UNC5D: variants seen among roughly 807,000 people sequenced by gnomAD.
The protein encoded by UNC5D is unc-5 netrin receptor D.
In UNC5D, 39 loss-of-function variants were observed where a neutral mutation model predicts 105.4. The observed-to-expected ratio is 0.37, with a 90% CI of 0.29 to 0.48. UNC5D has a LOEUF of 0.48. Among genes scored for constraint, UNC5D ranks in the 20% least tolerant of loss-of-function variants. The probability of loss-of-function intolerance (pLI) is 0.98; values close to 1 mark genes in which losing one functional copy is unlikely to be tolerated. For synonymous variants in UNC5D, 452 were observed against 450.4 expected, an observed-to-expected ratio of 1.00 and a Z score of -0.04; for missense variants, 991 against 1,202.4, an observed-to-expected ratio of 0.82 and a Z score of 2.60.
At chr8:35,472,514 T>C (rs1486736054) in intron 1 of UNC5D, among the ~76,000 whole-genome samples, 3 of 152,126 alleles carry the variant, frequency 2.0e-5, no homozygotes, top group African/African-American at 7.2e-5. Flanking sequence ...AGGTGAACTA[T>C]AACCTTGTGT....
chr8:35,474,651 C>T (rs549910252), intron 1 of UNC5D, among the ~76,000 whole-genome samples: 1 of 152,186 alleles, frequency 6.6e-6, no homozygotes, highest in Non-Finnish European at 1.5e-5. Context: ...TGGCGATTGG[C>T]ACCATCACAG....
chr8:35,543,362 A>G (rs1231554783), intron 1 of UNC5D, among the ~76,000 whole-genome samples: 3 of 152,232 alleles, frequency 2.0e-5, no homozygotes, highest in Admixed American at 6.5e-5. Flanking sequence ...CACTTAAACA[A>G]TAATCCAATG....
chr8:35,494,169 C>A (rs182200207), intron 1 of UNC5D, among the ~76,000 whole-genome samples: 1 of 152,006 alleles, frequency 6.6e-6, no homozygotes, highest in Non-Finnish European at 1.5e-5. Context: ...ATACAAACTA[C>A]CTTTTCTGTG....
rs1267501190 is a variant in UNC5D, at chr8:35,525,337, T to TA, written c.104-23953dup. 11 of 1,612,212 alleles carry TA rather than the reference T, an allele frequency of 6.8e-6. No individual in the cohort carries two copies. In the African/African-American group the frequency reaches 1.3e-4, roughly 20 times the overall value. On this transcript the variant is annotated intron_variant, in intron 1 of 16. Transcript: ENST00000404895. ...CAGTTTTCCACTTGATATGGGGGTG[T>TA]AATAACAACTTCTTCCATGACTACG...
chr8:35,627,161 G>A (rs986396402), intron 4 of UNC5D, among the ~76,000 whole-genome samples: 2 of 152,168 alleles, frequency 1.3e-5, no homozygotes, highest in Non-Finnish European at 2.9e-5. Context: ...GGGACAAGTA[G>A]GAAAAAGCTT....
At chr8:35,427,397 C>T (rs1003502037) in intron 1 of UNC5D, among the ~76,000 whole-genome samples, 1 of 152,188 alleles carries the variant, frequency 6.6e-6, no homozygotes, top group Admixed American at 6.5e-5. Flanking sequence ...GAAAACAGAA[C>T]AATGGGTCCC....
chr8:35,659,638 A>G lies in UNC5D; in HGVS notation c.571-23909A>G, dbSNP rs1314820111. ...TGCGCATGCACACCGACATGCATGC[A>G]TCTATGTGGAGGTATGAACTCATGC... On this transcript the variant is annotated intron_variant, in intron 4 of 16. Transcript: ENST00000404895. 3.9e-5 allele frequency among the ~76,000 whole-genome samples: 6 copies of G among 152,212 alleles called. No individual in the cohort carries two copies. In the East Asian group the frequency reaches 1.2e-3, roughly 29 times the overall value.
chr8:35,318,152 T>C (rs146430518), intron 1 of UNC5D, among the ~76,000 whole-genome samples: 1 of 152,252 alleles, frequency 6.6e-6, no homozygotes, highest in East Asian at 1.9e-4. Context: ...ATCACTTTCC[T>C]GTCATTTTCA....
chr8:35,445,628 T>C (rs1807727956), intron 1 of UNC5D, among the ~76,000 whole-genome samples: 1 of 152,054 alleles, frequency 6.6e-6, no homozygotes, highest in South Asian at 2.1e-4. Flanking sequence ...CTTGATAATC[T>C]GGCCCAGAAG....
Position 35,774,470 on chromosome 8 carries a change from A to C in UNC5D, c.2650A>C (p.Ile884Leu). 1 of 1,614,034 alleles carries C rather than the reference A, an allele frequency of 6.2e-7. No homozygotes were observed. Among genetic ancestry groups the C allele is most frequent in the Non-Finnish European group, 8.5e-7 (1 of 1,179,968 alleles). Residue 884 changes from isoleucine to leucine, a missense_variant, in exon 16 of 17, where the codon ATC becomes CTC. Coordinates refer to ENST00000404895, the MANE Select transcript of UNC5D (RefSeq NM_080872.4). ...DWQMLAQKNS[I>L]NRNLSYFATQ... The stretch of plus-strand genomic sequence containing the variant: ...GCAGATGTTAGCACAGAAAAACAGC[A>C]TCAACAGGTAATTGGGGACAGCTTC...
chr8:35,709,415 C>T (rs1307384887), intron 8 of UNC5D, among the ~76,000 whole-genome samples: 2 of 152,128 alleles, frequency 1.3e-5, no homozygotes, highest in African/African-American at 4.8e-5. Flanking sequence ...TGTAGCTGGA[C>T]GTGGTGGCTG....
chr8:35,727,441 A>G (rs1425399194), intron 10 of UNC5D: 1 of 152,110 alleles, frequency 6.6e-6, no homozygotes, highest in African/African-American at 2.4e-5. Flanking sequence ...GAGCTAACCA[A>G]CCTCTCAAAT....
At position 35,512,482 on chromosome 8, in the gene UNC5D, A is replaced by ATC. The variant is rs1401553913; in HGVS notation, c.104-36809_104-36808insCT. On this transcript the variant is annotated intron_variant, in intron 1 of 16. Coordinates refer to ENST00000404895, the MANE Select transcript of UNC5D (RefSeq NM_080872.4). ...TAGTGAGCCATATATATATATATATATATATATATATATATATATATATAT... is the reference window on the plus strand; with the variant it reads ...TAGTGAGCCATATATATATATATATATCTATATATATATATATATATATATAT... 3.6e-5 allele frequency among the ~76,000 whole-genome samples: 4 copies of ATC among 112,002 alleles called. 1 individual carries two copies. Among genetic ancestry groups the ATC allele is most frequent in the African/African-American group, 1.1e-4 (3 of 27,344 alleles). 73.5% of individuals were successfully genotyped at this position (112,002 alleles called of 152,430 possible).
intron 1 of UNC5D, among the ~76,000 whole-genome samples, chr8:35,515,735 C>G (rs896115782): frequency 2.0e-5 from 3 of 152,156 alleles, no homozygotes; most frequent in Non-Finnish European, 4.4e-5. Context: ...GGGCGGCAAC[C>G]TTTTAAACTG....
At chr8:35,716,548 C>T (rs1046305060) in intron 8 of UNC5D, among the ~76,000 whole-genome samples, 1 of 152,158 alleles carries the variant, frequency 6.6e-6, no homozygotes, top group African/African-American at 2.4e-5. Flanking sequence ...CCTCAGTTTA[C>T]ACATCTCAGT....
At chr8:35,280,802 T>C (rs758099026) in intron 1 of UNC5D, among the ~76,000 whole-genome samples, 7 of 152,346 alleles carry the variant, frequency 4.6e-5, no homozygotes, top group Non-Finnish European at 7.3e-5. Flanking sequence ...TCTCTATCAC[T>C]GGTTACCTTC....
chr8:35,752,928 C>T (rs1218560244), intron 13 of UNC5D, among the ~76,000 whole-genome samples: 2 of 152,130 alleles, frequency 1.3e-5, no homozygotes, highest in African/African-American at 4.8e-5. Flanking sequence ...TGGAGCTGCT[C>T]ACACAATTGT....
intron 4 of UNC5D, among the ~76,000 whole-genome samples, chr8:35,678,541 A>G (rs944916048): frequency 1.3e-5 from 2 of 152,226 alleles, no homozygotes; most frequent in East Asian, 1.9e-4. Context: ...TAAGACTTCT[A>G]TAAACACTGC....
chr8:35,236,816 G>C (rs1035180140), intron 1 of UNC5D, among the ~76,000 whole-genome samples: 1 of 152,150 alleles, frequency 6.6e-6, no homozygotes, highest in Admixed American at 6.5e-5. Context: ...AAAAAAATCG[G>C]AAGCTTTGCC....
Sources: allele counts gnomAD v4.1 joint callset (sites outside exome capture counted in the v4.1 genomes callset), GRCh38; gene constraint gnomAD v4.1.1; transcripts MANE v1.5; gene names NCBI Gene and HGNC (gene_info 2026-07-23, HGNC 2026-07-21).